ARHGEF12: variants seen among roughly 807,000 people sequenced by gnomAD.
The protein encoded by ARHGEF12 is KMT2A/ARHGEF12 fusion protein.
A neutral mutation model predicts 211.2 loss-of-function variants in ARHGEF12; 66 were observed. The observed-to-expected ratio is 0.31, with a 90% CI of 0.26 to 0.38. The LOEUF (loss-of-function observed/expected upper bound fraction) is 0.38, where lower values mean the gene tolerates loss of function less well. ARHGEF12 is among the 10% of genes least tolerant of loss of function. The pLI, the probability that ARHGEF12 is intolerant of heterozygous loss-of-function variation, is 1.00. For missense variants in ARHGEF12, 1,429 were observed against 1,869.5 expected (o/e 0.76, Z 4.34); for synonymous variants, 592 against 638.4 (o/e 0.93, Z 1.09).
At chr11:120,372,190 C>A (rs1229772593) in intron 1 of ARHGEF12, among the ~76,000 whole-genome samples, 1 of 152,138 alleles carries the variant, frequency 6.6e-6, no homozygotes, top group Non-Finnish European at 1.5e-5. Context: ...TATAAGGTAA[C>A]CACTAGTACA....
intron 18 of ARHGEF12, 176 bp downstream of exon 18, chr11:120,447,261 A>C: frequency 1.6e-6 from 1 of 611,672 alleles, no homozygotes; most frequent in Non-Finnish European, 2.5e-6. Context: ...CTTTTAGATA[A>C]ATTTCTTGTG....
intron 1 of ARHGEF12, among the ~76,000 whole-genome samples, chr11:120,353,320 G>A (rs980734919): frequency 4.6e-5 from 7 of 152,162 alleles, no homozygotes; most frequent in Non-Finnish European, 7.4e-5. Context: ...TATCACAGTC[G>A]CAGAATCTTG....
intron 1 of ARHGEF12, among the ~76,000 whole-genome samples, chr11:120,344,910 G>A (rs1343108968): frequency 2.0e-5 from 3 of 152,188 alleles, no homozygotes; most frequent in African/African-American, 7.2e-5. Context: ...AACCATTCAA[G>A]TGTTGTTTTA....
chr11:120,479,793 T>G (rs1322967285), intron 37 of ARHGEF12, among the ~76,000 whole-genome samples, 167 bp from the exon 38 acceptor site: 2 of 152,192 alleles, frequency 1.3e-5, no homozygotes, highest in African/African-American at 4.8e-5. Flanking sequence ...GGAAAATGAT[T>G]GTATGAAGTA....
At chr11:120,478,802 T>C (rs1175750853) in intron 37 of ARHGEF12, among the ~76,000 whole-genome samples, 4 of 152,212 alleles carry the variant, frequency 2.6e-5, no homozygotes, top group East Asian at 3.8e-4. Context: ...TAAGCTATTA[T>C]AATAGTCTGG....
intron 33 of ARHGEF12, 38 bp from the exon 34 acceptor site, chr11:120,476,623 G>A (rs1248623440): frequency 6.5e-7 from 1 of 1,543,468 alleles, no homozygotes; most frequent in South Asian, 1.2e-5. Context: ...GCCTCCCCAG[G>A]TCATAGTATT....
At chr11:120,343,861 G>A (rs1390006494) in intron 1 of ARHGEF12, among the ~76,000 whole-genome samples, 1 of 152,138 alleles carries the variant, frequency 6.6e-6, no homozygotes, top group African/African-American at 2.4e-5. Flanking sequence ...TGATACTACA[G>A]TTTTTGTCAA....
At chr11:120,428,544 G>A (rs537189170) in intron 8 of ARHGEF12, among the ~76,000 whole-genome samples, 1 of 152,142 alleles carries the variant, frequency 6.6e-6, no homozygotes, top group East Asian at 1.9e-4. Flanking sequence ...TTAGGAGGGC[G>A]GGGATTTTTG....
At chr11:120,432,643 ATTTC>A (rs1945582703) in intron 11 of ARHGEF12, among the ~76,000 whole-genome samples, 1 of 152,148 alleles carries the variant, frequency 6.6e-6, no homozygotes, top group Admixed American at 6.5e-5. Context: ...TGTGGGTTGT[ATTTC>A]TTTTTTAAAA....
chr11:120,392,948 G>T (rs758531401), intron 1 of ARHGEF12, among the ~76,000 whole-genome samples: 1 of 152,158 alleles, frequency 6.6e-6, no homozygotes, highest in Non-Finnish European at 1.5e-5. Flanking sequence ...GATGGGGTTG[G>T]CTTGACCTGA....
chr11:120,384,436 C>T (rs1480141325), intron 1 of ARHGEF12, among the ~76,000 whole-genome samples: 1 of 152,130 alleles, frequency 6.6e-6, no homozygotes, highest in Non-Finnish European at 1.5e-5. Flanking sequence ...AAATTGTGTG[C>T]CTGCAAATTG....
chr11:120,344,146 A>G (rs959222472), intron 1 of ARHGEF12, among the ~76,000 whole-genome samples: 12 of 151,726 alleles, frequency 7.9e-5, no homozygotes, highest in African/African-American at 1.5e-4. Flanking sequence ...CATGCCTGTA[A>G]TCCCAGCTAC....
chr11:120,441,448 A>G (rs920426865), intron 13 of ARHGEF12, among the ~76,000 whole-genome samples: 2 of 152,158 alleles, frequency 1.3e-5, no homozygotes, highest in African/African-American at 4.8e-5. Context: ...TATACATCCG[A>G]GCTACTTGAT....
At chr11:120,341,476 G>T (rs962835637) in intron 1 of ARHGEF12, among the ~76,000 whole-genome samples, 1 of 152,168 alleles carries the variant, frequency 6.6e-6, no homozygotes, top group Admixed American at 6.5e-5. Flanking sequence ...ATATGTTTCT[G>T]TGGAGCATTG....
chr11:120,470,831 A>G (rs1306965284), intron 30 of ARHGEF12, among the ~76,000 whole-genome samples: 1 of 152,224 alleles, frequency 6.6e-6, no homozygotes, highest in East Asian at 1.9e-4. Context: ...GAACCATATT[A>G]GAGTTCTTTA....
chr11:120,336,451 C>T lies in ARHGEF12; in HGVS notation c.-793C>T, dbSNP rs919481690. On this transcript the variant is annotated 5_prime_UTR_variant, in exon 1 of 41. Coordinates refer to ENST00000397843, the MANE Select transcript of ARHGEF12 (RefSeq NM_015313.3). The stretch of plus-strand genomic sequence containing the variant: ...CCGGCCCTGCGCCGGGAGACGCCGC[C>T]GCCTCCGCCTCCCGGACCAGGGCTT... Among the ~76,000 whole-genome samples, 2 of 151,596 alleles carry T rather than the reference C, an allele frequency of 1.3e-5. No homozygotes were observed. The highest frequency in any genetic ancestry group is 2.4e-5 in the African/African-American group (1 of 41,350).
At chr11:120,431,145 A>G (rs1413432756) in intron 10 of ARHGEF12, among the ~76,000 whole-genome samples, 1 of 151,806 alleles carries the variant, frequency 6.6e-6, no homozygotes, top group Non-Finnish European at 1.5e-5. Context: ...AAAAAATTAG[A>G]CAAGCTTGGT....
chr11:120,374,247 A>C (rs528125799), intron 1 of ARHGEF12, among the ~76,000 whole-genome samples: 1 of 152,238 alleles, frequency 6.6e-6, no homozygotes, highest in South Asian at 2.1e-4. Flanking sequence ...AGATGTTATG[A>C]CTTTTAGATA....
Position 120,477,387 on chromosome 11 carries a change from C to G in ARHGEF12, c.3453-60C>G, listed in dbSNP as rs372095465. ...CTAGGATAATTATTATGTTTTGTTGCGATGATGTTTAGATACCTCAGGAAG... is the reference window on the plus strand; with the variant it reads ...CTAGGATAATTATTATGTTTTGTTGGGATGATGTTTAGATACCTCAGGAAG... On this transcript the variant is annotated intron_variant, in intron 35 of 40. Coordinates refer to ENST00000397843, the MANE Select transcript of ARHGEF12 (RefSeq NM_015313.3). 2.3e-5 allele frequency: 37 copies of G among 1,578,284 alleles called. 1 individual carries two copies. The South Asian group carries it at 4.2e-4, about 18-fold the overall frequency.
Sources: gnomAD v4.1 joint callset for allele counts (sites outside exome capture counted in the v4.1 genomes callset) on GRCh38, gnomAD v4.1.1 for gene constraint, MANE v1.5 for transcripts, NCBI Gene and HGNC (gene_info 2026-07-23, HGNC 2026-07-21) for gene names.